FBXO42: variants seen among roughly 807,000 people sequenced by gnomAD.
FBXO42 encodes F-box protein 42, also known as F-box only protein 42.
A neutral mutation model predicts 71.7 loss-of-function variants in FBXO42; 12 were observed. The observed-to-expected ratio is 0.17, with a 90% CI of 0.11 to 0.27. The LOEUF is 0.27. FBXO42 is among the 10% of genes least tolerant of loss of function. The pLI, the probability that FBXO42 is intolerant of heterozygous loss-of-function variation, is 1.00. For synonymous variants in FBXO42, 325 were observed against 327.5 expected (o/e 0.99, Z 0.08); for missense variants, 707 against 911.9 (o/e 0.78, Z 2.89).
chr1:16,348,635 A>G (rs2100649376), intron 1 of FBXO42, among the ~76,000 whole-genome samples: 1 of 152,284 alleles, frequency 6.6e-6, no homozygotes, highest in Non-Finnish European at 1.5e-5. Context: ...CGGGAGGTAG[A>G]GGTTACAGTG....
chr1:16,253,513 GAAT>G, intron 7 of FBXO42, 119 bp downstream of exon 7: 1 of 771,776 alleles, frequency 1.3e-6, no homozygotes, highest in Non-Finnish European at 2.1e-6. Flanking sequence ...CAGTAAAAAA[GAAT>G]GATACATTTT....
intron 4 of FBXO42, among the ~76,000 whole-genome samples, chr1:16,281,458 CTTTTT>C (rs1442615510): frequency 6.7e-6 from 1 of 150,048 alleles, no homozygotes; most frequent in Non-Finnish European, 1.5e-5. Flanking sequence ...TATTTCTTTT[CTTTTT>C]CTTTTTTTGT....
intron 4 of FBXO42, among the ~76,000 whole-genome samples, chr1:16,269,689 C>G (rs573271887): frequency 4.0e-5 from 6 of 151,618 alleles, no homozygotes; most frequent in African/African-American, 1.5e-4. Flanking sequence ...CCATGTCCAG[C>G]TAATTTTGTA....
At chr1:16,275,981 A>G (rs923655366) in intron 4 of FBXO42, among the ~76,000 whole-genome samples, 14 of 152,192 alleles carry the variant, frequency 9.2e-5, no homozygotes, top group African/African-American at 3.1e-4. Context: ...TAAACAAAAA[A>G]GGGCAAAGGA....
intron 4 of FBXO42, among the ~76,000 whole-genome samples, chr1:16,289,955 T>C (rs767587088): frequency 2.6e-5 from 4 of 152,202 alleles, no homozygotes; most frequent in Non-Finnish European, 5.9e-5. Flanking sequence ...TTCATTCCGT[T>C]TGTTTCCTTC....
At chr1:16,255,387 TG>T (rs2081630996) in intron 6 of FBXO42, among the ~76,000 whole-genome samples, 2 of 151,648 alleles carry the variant, frequency 1.3e-5, no homozygotes, top group Non-Finnish European at 2.9e-5. Context: ...CAGGCTGGAA[TG>T]CAATGGGGTG....
In FBXO42 at chr1:16,260,389, A is replaced by G. The variant is rs185197548; in HGVS notation, c.503-3630T>C. ...ACGCCCGGCTAATTTTTTGTATTTT[A>G]GTAGAGACGGGGTTTCACCATGTTG... is the stretch of plus-strand genomic sequence containing the variant. On this transcript the variant is annotated intron_variant, in intron 4 of 9. Transcript: ENST00000375592. Among the ~76,000 whole-genome samples, 260 of 151,952 alleles carry G rather than the reference A, an allele frequency of 1.7e-3. 1 individual carries two copies. The highest frequency in any genetic ancestry group is 3.3e-3 in the Non-Finnish European group (227 of 67,952).
chr1:16,317,399 A>G (rs1266681681), intron 1 of FBXO42, among the ~76,000 whole-genome samples: 2 of 148,440 alleles, frequency 1.3e-5, no homozygotes, highest in Non-Finnish European at 3.0e-5. Context: ...TGGGCAATAG[A>G]GTGAGATCGT....
chr1:16,250,589 T>G lies in FBXO42; in HGVS notation c.*81A>C. On this transcript the variant is annotated 3_prime_UTR_variant, in exon 10 of 10. Transcript: ENST00000375592. This position sits in a 1 kb window ranked among gnomAD's most constrained non-coding sequence, Gnocchi z 4.7. ...TTGGCTTCTGGGAGTAATTTTGTTTTCCCAATTCTCAGTCCAAATGCTTAC... is the reference window on the plus strand; with the variant it reads ...TTGGCTTCTGGGAGTAATTTTGTTTGCCCAATTCTCAGTCCAAATGCTTAC... 6.7e-7 allele frequency: 1 copy of G among 1,491,958 alleles called. No homozygotes were observed. The highest frequency in any genetic ancestry group is 9.0e-7 in the Non-Finnish European group (1 of 1,115,942). 92.4% of individuals were successfully genotyped at this position (1,491,958 alleles called of 1,614,324 possible).
chr1:16,336,545 A>G (rs2082554989), intron 1 of FBXO42, among the ~76,000 whole-genome samples: 1 of 146,020 alleles, frequency 6.8e-6, no homozygotes. Flanking sequence ...TTTAGGGGAG[A>G]GGGGTTTCAC....
intron 1 of FBXO42, among the ~76,000 whole-genome samples, chr1:16,331,989 T>C (rs984007167): frequency 4.6e-5 from 7 of 151,630 alleles, no homozygotes; most frequent in African/African-American, 1.7e-4. Context: ...GTGAAGGTTG[T>C]GTTGAGCCGA....
intron 2 of FBXO42, among the ~76,000 whole-genome samples, chr1:16,313,476 T>C (rs2082336296): frequency 6.6e-6 from 1 of 152,200 alleles, no homozygotes; most frequent in African/African-American, 2.4e-5. Context: ...CCTCCCTTTA[T>C]TTGAGAAGTG....
intron 1 of FBXO42, among the ~76,000 whole-genome samples, chr1:16,318,838 G>C (rs2082391627): frequency 6.6e-6 from 1 of 152,108 alleles, no homozygotes; most frequent in South Asian, 2.1e-4. Context: ...CGGCCACTCA[G>C]GGGAATCTAG....
chr1:16,279,704 C>A (rs1384236993), intron 4 of FBXO42, among the ~76,000 whole-genome samples: 1 of 151,714 alleles, frequency 6.6e-6, no homozygotes, highest in Non-Finnish European at 1.5e-5. Context: ...AAGAGAATAA[C>A]AGGAAAAGAA....
chr1:16,288,779 G>A (rs948022219), intron 4 of FBXO42, among the ~76,000 whole-genome samples: 2 of 151,810 alleles, frequency 1.3e-5, no homozygotes, highest in African/African-American at 4.8e-5. Flanking sequence ...GCAGTATGGT[G>A]AAACTCCACC....
intron 4 of FBXO42, among the ~76,000 whole-genome samples, chr1:16,287,477 A>T (rs990482842): frequency 2.0e-5 from 3 of 152,216 alleles, no homozygotes; most frequent in Non-Finnish European, 2.9e-5. Context: ...TTATTGACTC[A>T]TGTGTCCCTG....
rs142631767 is a variant in FBXO42, at chr1:16,333,009, G to C, written c.-17-17574C>G. On this transcript the variant is annotated intron_variant, in intron 1 of 9. Transcript: ENST00000375592. ...ACCTTAAACTCCTTTCTCATTTCTAGTCTCTGCTCTTGCTGGCCATCCCCT... is the reference window on the plus strand; with the variant it reads ...ACCTTAAACTCCTTTCTCATTTCTACTCTCTGCTCTTGCTGGCCATCCCCT... 8.4e-3 allele frequency among the ~76,000 whole-genome samples: 1,278 copies of C among 152,102 alleles called. 7 individuals carry two copies. Among genetic ancestry groups the C allele is most frequent in the Non-Finnish European group, 0.012 (817 of 67,996 alleles).
intron 4 of FBXO42, among the ~76,000 whole-genome samples, chr1:16,281,154 G>A (rs1250027769): frequency 6.6e-6 from 1 of 152,074 alleles, no homozygotes; most frequent in African/African-American, 2.4e-5. Context: ...TAGAGACGGG[G>A]TTTCTCCATG....
At chr1:16,293,643 T>C (rs189076994) in intron 4 of FBXO42, 13 of 152,308 alleles carry the variant, frequency 8.5e-5, no homozygotes, top group Non-Finnish European at 2.9e-5. Context: ...AGTAGGCTCC[T>C]CCTATATTTG....
Sources: allele counts gnomAD v4.1 joint callset (sites outside exome capture counted in the v4.1 genomes callset), GRCh38; gene constraint gnomAD v4.1.1; non-coding constraint Gnocchi (gnomAD v3.1); transcripts MANE v1.5; gene names NCBI Gene and HGNC (gene_info 2026-07-23, HGNC 2026-07-21).